The following SGIP1 variants were observed in gnomAD, a reference collection of about 807,000 sequenced individuals.
SGIP1 encodes the protein SH3-containing GRB2-like protein 3-interacting protein 1.
A neutral mutation model predicts 107.5 loss-of-function variants in SGIP1; 38 were observed. The observed-to-expected ratio is 0.35, with a 90% confidence interval of 0.27 to 0.46. The LOEUF is 0.46. Among genes scored for constraint, SGIP1 ranks in the 20% least tolerant of loss-of-function variants. The probability of loss-of-function intolerance (pLI) is 1.00; values close to 1 mark genes in which losing one functional copy is unlikely to be tolerated. For synonymous variants in SGIP1, 365 were observed against 366.1 expected, an observed-to-expected ratio of 1.00 and a Z score of 0.03; for missense variants, 929 against 1,019.5, an observed-to-expected ratio of 0.91 and a Z score of 1.21.
chr1:66,712,575 C>G (rs868454794), intron 18 of SGIP1, among the ~76,000 whole-genome samples: 10 of 152,066 alleles, frequency 6.6e-5, no homozygotes, highest in African/African-American at 2.4e-4. Context: ...TTTCTCTTTC[C>G]TCTTTTTTTT....
At chr1:66,602,380 A>G (rs1379629310) in intron 1 of SGIP1, among the ~76,000 whole-genome samples, 2 of 152,108 alleles carry the variant, frequency 1.3e-5, no homozygotes, top group Admixed American at 6.5e-5. Flanking sequence ...ATTATGATGG[A>G]AATATGAACA....
chr1:66,566,677 T>C (rs1435404047), intron 1 of SGIP1, among the ~76,000 whole-genome samples: 1 of 152,000 alleles, frequency 6.6e-6, no homozygotes, highest in African/African-American at 2.4e-5. Context: ...TTTGCCTTCC[T>C]CAGATGCATT....
intron 1 of SGIP1, among the ~76,000 whole-genome samples, chr1:66,536,759 C>G (rs904440249): frequency 1.4e-5 from 2 of 148,114 alleles, no homozygotes; most frequent in Non-Finnish European, 3.0e-5. Flanking sequence ...TTCTTCTGAA[C>G]TAGTGTGTCT....
At chr1:66,689,948 A>G (rs1387406829) in intron 16 of SGIP1, among the ~76,000 whole-genome samples, 1 of 152,202 alleles carries the variant, frequency 6.6e-6, no homozygotes, top group Non-Finnish European at 1.5e-5. Context: ...AAACAGACCC[A>G]CTGACCGTGT....
intron 1 of SGIP1, among the ~76,000 whole-genome samples, chr1:66,565,443 T>C (rs796816969): frequency 2.6e-5 from 4 of 151,934 alleles, no homozygotes; most frequent in African/African-American, 9.6e-5. Flanking sequence ...TATGTTAGAG[T>C]TGTATTAAGG....
At chr1:66,580,348 G>T (rs1422179091) in intron 1 of SGIP1, among the ~76,000 whole-genome samples, 1 of 151,990 alleles carries the variant, frequency 6.6e-6, no homozygotes, top group African/African-American at 2.4e-5. Flanking sequence ...GGGTCTTTGC[G>T]CTTACTCTTA....
At chr1:66,622,551 C>T (rs142074480) in intron 1 of SGIP1, among the ~76,000 whole-genome samples, 1 of 152,212 alleles carries the variant, frequency 6.6e-6, no homozygotes, top group East Asian at 1.9e-4. Flanking sequence ...TTTTAAAAAT[C>T]CATCTATATT....
At chr1:66,613,595 G>T (rs1325404628) in intron 1 of SGIP1, among the ~76,000 whole-genome samples, 1 of 152,334 alleles carries the variant, frequency 6.6e-6, no homozygotes, top group South Asian at 2.1e-4. Context: ...CTCCCAAAGT[G>T]CTGGGATTAC....
At chr1:66,684,903 A>G (rs931437773) in intron 15 of SGIP1, among the ~76,000 whole-genome samples, 2 of 152,262 alleles carry the variant, frequency 1.3e-5, no homozygotes, top group African/African-American at 4.8e-5. Flanking sequence ...ATTAAGCTGG[A>G]AAAAGCTTGA....
At chr1:66,717,684 C>A (rs185569293) in intron 18 of SGIP1, among the ~76,000 whole-genome samples, 160 of 152,184 alleles carry the variant, frequency 1.1e-3, no homozygotes, top group South Asian at 0.01. Context: ...TCATACATAC[C>A]CCAGTGCCAA....
At position 66,582,172 on chromosome 1, in the gene SGIP1, G is replaced by A. The variant is rs549471144; in HGVS notation, c.11-43675G>A. On this transcript the variant is annotated intron_variant, in intron 1 of 24. Transcript: ENST00000371037. ...GGTTGTGGGTTATCTGGAAATTTGG[G>A]AAAAGGTCATCTTGATTTTAAAAGG... is the stretch of plus-strand genomic sequence containing the variant. Among the ~76,000 whole-genome samples, 22 of 152,180 alleles carry A rather than the reference G, an allele frequency of 1.4e-4. 1 individual carries two copies. The South Asian group carries it at 4.6e-3, about 32-fold the overall frequency.
intron 14 of SGIP1, 64 bp from the exon 15 acceptor site, chr1:66,681,805 C>A: frequency 6.6e-7 from 1 of 1,522,668 alleles, no homozygotes; most frequent in South Asian, 1.3e-5. Context: ...CTTTGCCTCC[C>A]TCCCTCACTC....
At chr1:66,674,137 C>T (rs1387528497) in intron 12 of SGIP1, among the ~76,000 whole-genome samples, 1 of 152,026 alleles carries the variant, frequency 6.6e-6, no homozygotes, top group East Asian at 1.9e-4. Flanking sequence ...CATTGCACTC[C>T]AGCCCGAGCA....
At chr1:66,678,544 C>T (rs2085900390) in intron 13 of SGIP1, among the ~76,000 whole-genome samples, 2 of 151,986 alleles carry the variant, frequency 1.3e-5, no homozygotes, top group Admixed American at 6.6e-5. Context: ...GAGCAGAGCC[C>T]CTGATTGACT....
chr1:66,568,062 G>A (rs2059899160), intron 1 of SGIP1, among the ~76,000 whole-genome samples: 1 of 152,050 alleles, frequency 6.6e-6, no homozygotes, highest in African/African-American at 2.4e-5. Context: ...TAGTTTGGTG[G>A]GAATTGCATT....
intron 2 of SGIP1, among the ~76,000 whole-genome samples, chr1:66,629,576 A>G (rs1449480857): frequency 6.7e-6 from 1 of 149,460 alleles, no homozygotes; most frequent in Non-Finnish European, 1.5e-5. Context: ...ATAGGAGGGT[A>G]AAAAAAAAAG....
chr1:66,651,137 T>C (rs1401747889), intron 7 of SGIP1, among the ~76,000 whole-genome samples: 1 of 152,220 alleles, frequency 6.6e-6, no homozygotes, highest in Non-Finnish European at 1.5e-5. Flanking sequence ...TAGTAAATGA[T>C]AGCTATTATT....
In SGIP1 at chr1:66,735,745, G is replaced by A. The variant is rs1488234169; in HGVS notation, c.2031+1865G>A. Among the ~76,000 whole-genome samples, 14 of 47,568 alleles carry A rather than the reference G, an allele frequency of 2.9e-4. 3 individuals are homozygous for A. The East Asian group carries it at 3.1e-3, about 10-fold the overall frequency. The allele number at this position is 47,568 out of a possible 152,430, so 31.2% of individuals were successfully genotyped here. On this transcript the variant is annotated intron_variant, in intron 21 of 24. Transcript: ENST00000371037. ...TGAGGCGGGAGAATGGCGTGAACCC[G>A]GGAGGCGGAGCTTGCAGTGAGCTGA...
chr1:66,638,279 G>A (rs1241568619), intron 4 of SGIP1, among the ~76,000 whole-genome samples: 1 of 152,144 alleles, frequency 6.6e-6, no homozygotes, highest in African/African-American at 2.4e-5. Flanking sequence ...TTTTTATTAA[G>A]TGGTACATTA....
Sources: allele counts gnomAD v4.1 joint callset (sites outside exome capture counted in the v4.1 genomes callset), GRCh38; gene constraint gnomAD v4.1.1; transcripts MANE v1.5; gene names NCBI Gene and HGNC (gene_info 2026-07-23, HGNC 2026-07-21).